The following DOK6 variants were observed in gnomAD, a reference collection of about 807,000 sequenced individuals.
The protein encoded by DOK6 is downstream of tyrosine kinase 6.
Under a neutral mutation model 44.0 loss-of-function variants are expected in DOK6, and 22 were observed. The observed-to-expected ratio is 0.50, with a 90% CI of 0.36 to 0.71. The LOEUF (loss-of-function observed/expected upper bound fraction) is 0.71, where lower values mean the gene tolerates loss of function less well. Among genes scored for constraint, DOK6 ranks in the 30% least tolerant of loss-of-function variants. The pLI is 0.00. For synonymous variants in DOK6, 166 were observed against 145.5 expected (o/e 1.14, Z -1.01); for missense variants, 340 against 416.4 (o/e 0.82, Z 1.60).
chr18:69,586,769 C>T (rs1353802501), intron 2 of DOK6, among the ~76,000 whole-genome samples: 4 of 152,112 alleles, frequency 2.6e-5, no homozygotes, highest in African/African-American at 7.2e-5. Context: ...GCATTTCCTC[C>T]TGGGGCCCCG....
In DOK6 at chr18:69,708,779, G is replaced by A. The variant is rs1408834271; in HGVS notation, c.599+10186G>A. On this transcript the variant is annotated intron_variant, in intron 5 of 7. Coordinates refer to ENST00000382713, the MANE Select transcript of DOK6 (RefSeq NM_152721.6). The stretch of plus-strand genomic sequence containing the variant: ...AGCCTGGGTGACAGGGCAAAAATCC[G>A]TCTCAAAAAAAAAAAAAAAAAAAAA... Among the ~76,000 whole-genome samples, 145 of 94,658 alleles carry A rather than the reference G, an allele frequency of 1.5e-3. 2 individuals are homozygous for A. Among genetic ancestry groups the A allele is most frequent in the Admixed American group, 2.2e-3 (15 of 6,844 alleles). 62.1% of individuals were successfully genotyped at this position (94,658 alleles called of 152,430 possible).
chr18:69,701,280 C>T (rs569391799), intron 5 of DOK6, among the ~76,000 whole-genome samples: 1 of 152,340 alleles, frequency 6.6e-6, no homozygotes. Context: ...CGCAGCATGG[C>T]GCCCAGGAGA....
intron 1 of DOK6, among the ~76,000 whole-genome samples, chr18:69,552,510 C>A (rs1357008405): frequency 1.3e-5 from 2 of 152,036 alleles, no homozygotes; most frequent in African/African-American, 2.4e-5. Context: ...CCATAAGTTA[C>A]CATTAAAATG....
At chr18:69,706,057 G>C (rs1049896554) in intron 5 of DOK6, among the ~76,000 whole-genome samples, 1 of 152,190 alleles carries the variant, frequency 6.6e-6, no homozygotes, top group Non-Finnish European at 1.5e-5. Flanking sequence ...TCAAGCGAGA[G>C]AACTTGACAG....
intron 4 of DOK6, among the ~76,000 whole-genome samples, chr18:69,688,702 A>T (rs1227359693): frequency 6.6e-6 from 1 of 152,160 alleles, no homozygotes; most frequent in African/African-American, 2.4e-5. Flanking sequence ...TTGTATTTTT[A>T]GTAGAGATGG....
chr18:69,534,757 A>T (rs1217914989), intron 1 of DOK6, among the ~76,000 whole-genome samples: 1 of 152,030 alleles, frequency 6.6e-6, no homozygotes, highest in African/African-American at 2.4e-5. Context: ...CATATTCTTA[A>T]TTCCAATACT....
chr18:69,644,988 T>A (rs80190595), intron 3 of DOK6, among the ~76,000 whole-genome samples: 10,596 of 152,276 alleles, frequency 0.07, 423 homozygotes, highest in Admixed American at 0.1. Context: ...AATTACAGAT[T>A]CATAGGGAAA....
At chr18:69,425,966 T>G (rs1316935565) in intron 1 of DOK6, among the ~76,000 whole-genome samples, 2 of 152,170 alleles carry the variant, frequency 1.3e-5, no homozygotes, top group Non-Finnish European at 2.9e-5. Flanking sequence ...CGCAAAGATA[T>G]TCTCTTACAT....
At chr18:69,695,957 C>A (rs891665365) in intron 4 of DOK6, among the ~76,000 whole-genome samples, 1 of 152,140 alleles carries the variant, frequency 6.6e-6, no homozygotes, top group South Asian at 2.1e-4. Context: ...AGAGGCACCA[C>A]GGGTAAATTT....
intron 3 of DOK6, among the ~76,000 whole-genome samples, chr18:69,649,940 C>A (rs1985179202): frequency 6.6e-6 from 1 of 151,790 alleles, no homozygotes; most frequent in East Asian, 1.9e-4. Context: ...AAAACTTGAC[C>A]CACTGATCCT....
chr18:69,474,151 AG>A (rs1056044882), intron 1 of DOK6, among the ~76,000 whole-genome samples: 1 of 151,884 alleles, frequency 6.6e-6, no homozygotes, highest in African/African-American at 2.4e-5. Context: ...GTCCTTGGTG[AG>A]GGGGGGCCTT....
At chr18:69,613,450 G>A (rs1282448620) in intron 3 of DOK6, among the ~76,000 whole-genome samples, 5 of 152,118 alleles carry the variant, frequency 3.3e-5, no homozygotes, top group Non-Finnish European at 7.4e-5. Context: ...AGATGACGTA[G>A]AGAAACCCAA....
Position 69,505,842 on chromosome 18 carries a change from A to T in DOK6, c.67-58645A>T, listed in dbSNP as rs144765109. Among the ~76,000 whole-genome samples the T allele has an allele frequency of 4.1e-3, 626 of 151,830 alleles. 4 individuals carry two copies. The highest frequency in any genetic ancestry group is 0.014 in the African/African-American group (595 of 41,500). On this transcript the variant is annotated intron_variant, in intron 1 of 7. Coordinates refer to ENST00000382713, the MANE Select transcript of DOK6 (RefSeq NM_152721.6). ...AGCAGCATGCAAGCAAACAAAACAA[A>T]ACAAAATCCTATTTCTAACAACAAA...
At chr18:69,674,962 C>G (rs1279308711) in intron 3 of DOK6, among the ~76,000 whole-genome samples, 1 of 152,016 alleles carries the variant, frequency 6.6e-6, no homozygotes, top group Non-Finnish European at 1.5e-5. Context: ...CTCTCTCTCT[C>G]TCTTTGAAAT....
chr18:69,492,255 G>A (rs1169575628), intron 1 of DOK6, among the ~76,000 whole-genome samples: 2 of 151,940 alleles, frequency 1.3e-5, no homozygotes, highest in Non-Finnish European at 2.9e-5. Flanking sequence ...TTAAATTTAT[G>A]GATATCATAC....
At chr18:69,559,552 T>C (rs1405203202) in intron 1 of DOK6, among the ~76,000 whole-genome samples, 1 of 152,148 alleles carries the variant, frequency 6.6e-6, no homozygotes, top group African/African-American at 2.4e-5. Context: ...CTTAGATTCA[T>C]GTAACTGTTT....
rs139740961 is a variant in DOK6, at chr18:69,685,772, G to T, written c.409+7919G>T. ...TGCTTGAAAAGTTTCAAAATTACTG[G>T]CAAAAATTTCATCAGAGTATCTTTG... is the stretch of plus-strand genomic sequence containing the variant. On this transcript the variant is annotated intron_variant, in intron 4 of 7. Coordinates refer to ENST00000382713, the MANE Select transcript of DOK6 (RefSeq NM_152721.6). Among the ~76,000 whole-genome samples, 975 of 152,098 alleles carry T rather than the reference G, an allele frequency of 6.4e-3. 13 individuals are homozygous for T. The highest frequency in any genetic ancestry group is 0.023 in the African/African-American group (935 of 41,468).
intron 7 of DOK6, among the ~76,000 whole-genome samples, chr18:69,828,048 C>T (rs1030219198): frequency 6.6e-5 from 10 of 151,644 alleles, no homozygotes; most frequent in African/African-American, 2.4e-4. Context: ...CTATCTAAAC[C>T]GGGAATACTG....
intron 2 of DOK6, among the ~76,000 whole-genome samples, chr18:69,569,839 T>C (rs915009693): frequency 6.6e-6 from 1 of 152,118 alleles, no homozygotes; most frequent in African/African-American, 2.4e-5. Context: ...GTATACACCA[T>C]ATGGTACATA....
Sources: allele counts gnomAD v4.1 joint callset (sites outside exome capture counted in the v4.1 genomes callset), GRCh38; gene constraint gnomAD v4.1.1; transcripts MANE v1.5; gene names NCBI Gene and HGNC (gene_info 2026-07-23, HGNC 2026-07-21).